The following DAB1 variants were observed in gnomAD, a reference collection of about 807,000 sequenced individuals.
The protein encoded by DAB1 is disabled homolog 1.
DAB1 carries 15 observed loss-of-function variants against 64.6 expected under a neutral mutation model. The observed-to-expected ratio is 0.23, with a 90% CI of 0.16 to 0.36. The LOEUF is 0.36. Ranked by LOEUF, DAB1 falls within the 10% of genes least tolerant of loss-of-function variation. DAB1 has a pLI of 1.00. For missense variants in DAB1, 596 were observed against 706.7 expected, an observed-to-expected ratio of 0.84 and a Z score of 1.78; for synonymous variants, 235 against 251.9, an observed-to-expected ratio of 0.93 and a Z score of 0.64.
intron 5 of DAB1, among the ~76,000 whole-genome samples, chr1:57,900,008 A>G (rs1042755394): frequency 2.0e-5 from 3 of 151,468 alleles, no homozygotes; most frequent in African/African-American, 4.9e-5. Flanking sequence ...GGGTGATCAT[A>G]GTTAACTGCA....
rs138937494 is a variant in DAB1, at chr1:57,690,690, C to T, written n.552-41025G>A. Among the ~76,000 whole-genome samples, 504 of 152,174 alleles carry T rather than the reference C, an allele frequency of 3.3e-3. 3 individuals are homozygous for T. Among genetic ancestry groups the T allele is most frequent in the African/African-American group, 0.011 (436 of 41,516 alleles). ...GTGAGATCACTGGATCATATGGTAG[C>T]CCGATTTTTAGTTTTTTTAAGAACC... On this transcript the variant is annotated intron_variant and non_coding_transcript_variant, in intron 6 of 20. Transcript: ENST00000485760.
At chr1:57,233,190 C>T (rs949134341) in intron 2 of DAB1, among the ~76,000 whole-genome samples, 1 of 151,136 alleles carries the variant, frequency 6.6e-6, no homozygotes, top group Admixed American at 6.6e-5. Context: ...CTTCCTCCAG[C>T]AGCTCTGTCC....
chr1:58,359,649 A>G (rs1380180862), intron 3 of DAB1, among the ~76,000 whole-genome samples: 1 of 152,238 alleles, frequency 6.6e-6, no homozygotes, highest in Non-Finnish European at 1.5e-5. Context: ...TTGACTCATG[A>G]AGAAAGGTAT....
intron 5 of DAB1, among the ~76,000 whole-genome samples, chr1:58,057,462 C>T (rs1648200711): frequency 6.6e-6 from 1 of 152,086 alleles, no homozygotes; most frequent in Admixed American, 6.6e-5. Context: ...ACCAATAGGA[C>T]AAATTAGAAA....
At chr1:57,527,244 C>T (rs887509619) in intron 7 of DAB1, among the ~76,000 whole-genome samples, 1 of 152,172 alleles carries the variant, frequency 6.6e-6, no homozygotes, top group African/African-American at 2.4e-5. Flanking sequence ...GGACTCTGAG[C>T]TCTCATACAG....
At chr1:57,213,821 C>T (rs1440538083) in intron 2 of DAB1, among the ~76,000 whole-genome samples, 3 of 152,056 alleles carry the variant, frequency 2.0e-5, no homozygotes, top group Non-Finnish European at 2.9e-5. Flanking sequence ...TTTTCTTGTC[C>T]CAATCTCTTC....
chr1:58,286,394 G>A (rs969447675), intron 4 of DAB1, among the ~76,000 whole-genome samples: 16 of 152,116 alleles, frequency 1.1e-4, no homozygotes, highest in African/African-American at 3.9e-4. Context: ...CCAAATGGAA[G>A]GAAATGTTTG....
At chr1:57,029,785 C>T (rs922493477) in intron 9 of DAB1, among the ~76,000 whole-genome samples, 15 of 152,196 alleles carry the variant, frequency 9.9e-5, no homozygotes, top group African/African-American at 3.6e-4. Context: ...TTTGGAATGG[C>T]TGTAATTACT....
At chr1:58,204,447 T>C (rs1166763570) in intron 4 of DAB1, among the ~76,000 whole-genome samples, 3 of 152,156 alleles carry the variant, frequency 2.0e-5, no homozygotes, top group Admixed American at 6.5e-5. Flanking sequence ...AAAATTTTAA[T>C]CCAAGTGGCT....
intron 7 of DAB1, among the ~76,000 whole-genome samples, chr1:57,604,708 G>A (rs770745479): frequency 1.3e-5 from 2 of 152,182 alleles, no homozygotes; most frequent in Non-Finnish European, 2.9e-5. Context: ...ACTAGGGTTC[G>A]TGTGTCAGGG....
intron 6 of DAB1, among the ~76,000 whole-genome samples, chr1:57,732,191 C>A (rs910858434): frequency 4.6e-5 from 7 of 152,152 alleles, no homozygotes; most frequent in Non-Finnish European, 1.0e-4. Flanking sequence ...GGGTATCATG[C>A]AGGTCAGGTT....
intron 4 of DAB1, among the ~76,000 whole-genome samples, chr1:58,208,842 A>C (rs898414718): frequency 6.6e-6 from 1 of 152,048 alleles, no homozygotes; most frequent in Admixed American, 6.5e-5. Context: ...ATCTACCTTT[A>C]GTTTTTAAAG....
intron 7 of DAB1, among the ~76,000 whole-genome samples, chr1:57,563,272 G>T (rs1558497083): frequency 6.6e-6 from 1 of 152,182 alleles, no homozygotes; most frequent in Admixed American, 6.5e-5. Context: ...AAAGATGTTT[G>T]TGCATGTATA....
At chr1:57,339,959 A>C (rs1677436900) in intron 1 of DAB1, among the ~76,000 whole-genome samples, 1 of 152,188 alleles carries the variant, frequency 6.6e-6, no homozygotes, top group Non-Finnish European at 1.5e-5. Context: ...TGGAGATAGC[A>C]GAGACTAGCA....
intron 4 of DAB1, among the ~76,000 whole-genome samples, chr1:58,205,197 T>G (rs950898387): frequency 6.6e-6 from 1 of 152,112 alleles, no homozygotes; most frequent in African/African-American, 2.4e-5. Context: ...TGGACAGACT[T>G]CCATCTGAGT....
chr1:57,766,882 A>G (rs1649337825), intron 6 of DAB1, among the ~76,000 whole-genome samples: 1 of 151,300 alleles, frequency 6.6e-6, no homozygotes, highest in South Asian at 2.1e-4. Context: ...ATAATTTGCT[A>G]GAAGGACTCA....
chr1:57,271,914 A>G (rs747955668), intron 2 of DAB1, among the ~76,000 whole-genome samples: 10 of 152,114 alleles, frequency 6.6e-5, no homozygotes, highest in Non-Finnish European at 1.5e-4. Flanking sequence ...ACAGATTTTC[A>G]CTGTCTAGAA....
At chr1:58,049,797 T>C (rs1289601343) in intron 5 of DAB1, among the ~76,000 whole-genome samples, 2 of 151,210 alleles carry the variant, frequency 1.3e-5, no homozygotes, top group East Asian at 3.9e-4. Flanking sequence ...TGAATACATA[T>C]TATATGCCTG....
chr1:57,494,056 T>C (rs1295262829), intron 7 of DAB1, among the ~76,000 whole-genome samples: 1 of 152,126 alleles, frequency 6.6e-6, no homozygotes, highest in Non-Finnish European at 1.5e-5. Flanking sequence ...GAATTAAATG[T>C]CAGTATACTC....
Sources: allele counts gnomAD v4.1 joint callset (sites outside exome capture counted in the v4.1 genomes callset), GRCh38; gene constraint gnomAD v4.1.1; transcripts MANE v1.5; gene names NCBI Gene and HGNC (gene_info 2026-07-23, HGNC 2026-07-21).